ADAMTSL1: variants seen among roughly 807,000 people sequenced by gnomAD.
ADAMTSL1 encodes ADAMTS like 1.
In ADAMTSL1, 126 loss-of-function variants were observed where a neutral mutation model predicts 201.8. The observed-to-expected ratio is 0.62, with a 90% CI of 0.54 to 0.72. The LOEUF (loss-of-function observed/expected upper bound fraction) is 0.72, where lower values mean the gene tolerates loss of function less well. Among genes scored for constraint, ADAMTSL1 ranks in the 30% least tolerant of loss-of-function variants. The pLI is 0.00. For missense variants in ADAMTSL1, 2,679 were observed against 2,277.8 expected (o/e 1.18, Z -3.59); for synonymous variants, 1,121 against 903.4 (o/e 1.24, Z -4.32).
intron 2 of ADAMTSL1, among the ~76,000 whole-genome samples, chr9:18,190,903 C>T (rs1277668942): frequency 1.3e-5 from 2 of 152,094 alleles, no homozygotes; most frequent in Non-Finnish European, 1.5e-5. Flanking sequence ...TTTGCTCCAT[C>T]GTACCCCTAG....
At chr9:18,062,733 AT>A (rs201641529) in intron 1 of ADAMTSL1, among the ~76,000 whole-genome samples, 2,159 of 152,278 alleles carry the variant, frequency 0.014, 54 homozygotes, top group African/African-American at 0.05. Context: ...CAATCTGTAT[AT>A]TTTAATGATG....
intron 2 of ADAMTSL1, among the ~76,000 whole-genome samples, chr9:18,521,013 T>C (rs1437499861): frequency 6.6e-6 from 1 of 152,188 alleles, no homozygotes; most frequent in Non-Finnish European, 1.5e-5. Context: ...GCCTTTCCAC[T>C]GGTGGTTATA....
intron 2 of ADAMTSL1, among the ~76,000 whole-genome samples, chr9:18,387,288 C>T (rs1837836461): frequency 6.6e-6 from 1 of 151,948 alleles, no homozygotes; most frequent in South Asian, 2.1e-4. Context: ...AACTTGTGTG[C>T]CCATTGCCAA....
chr9:18,508,772 T>C (rs1587409596), intron 2 of ADAMTSL1, among the ~76,000 whole-genome samples: 1 of 152,302 alleles, frequency 6.6e-6, no homozygotes, highest in East Asian at 1.9e-4. Context: ...AAATATAATA[T>C]TAATAAAATA....
At chr9:18,635,257 T>C in intron 5 of ADAMTSL1, among the ~76,000 whole-genome samples, 1 of 152,172 alleles carries the variant, frequency 6.6e-6, no homozygotes, top group Admixed American at 6.6e-5. Flanking sequence ...CTCTAATTTT[T>C]AAAAATGTCT....
intron 2 of ADAMTSL1, among the ~76,000 whole-genome samples, chr9:18,403,297 C>A (rs892731451): frequency 3.3e-5 from 5 of 152,028 alleles, no homozygotes; most frequent in Admixed American, 6.6e-5. Flanking sequence ...GATTCTCTTG[C>A]CTCAGCCTCC....
intron 19 of ADAMTSL1, among the ~76,000 whole-genome samples, chr9:18,784,877 G>A (rs923456170): frequency 2.6e-5 from 4 of 152,102 alleles, no homozygotes; most frequent in East Asian, 1.9e-4. Context: ...AAAAGTAATC[G>A]AGCTGGGGTG....
At chr9:18,121,336 C>A (rs887381814) in intron 1 of ADAMTSL1, among the ~76,000 whole-genome samples, 32 of 152,102 alleles carry the variant, frequency 2.1e-4, no homozygotes, top group African/African-American at 7.7e-4. Flanking sequence ...ACAAAAAACT[C>A]AAACTAATTT....
chr9:18,533,026 A>G (rs1226294593), intron 2 of ADAMTSL1, among the ~76,000 whole-genome samples: 1 of 152,076 alleles, frequency 6.6e-6, no homozygotes, highest in Non-Finnish European at 1.5e-5. Context: ...TTTTGAAACA[A>G]GATAAATACT....
intron 1 of ADAMTSL1, among the ~76,000 whole-genome samples, chr9:18,089,837 G>C (rs10810897): frequency 0.53 from 80,799 of 151,984 alleles, 22,282 homozygotes; most frequent in African/African-American, 0.67. Context: ...TGCTGTATAA[G>C]ATCCTGCCTA....
At chr9:18,081,878 G>A (rs1587002680) in intron 1 of ADAMTSL1, among the ~76,000 whole-genome samples, 1 of 152,138 alleles carries the variant, frequency 6.6e-6, no homozygotes, top group Admixed American at 6.5e-5. Flanking sequence ...GAAAATACTA[G>A]CGTATGCTTG....
chr9:18,843,636 A>G (rs4628782), intron 23 of ADAMTSL1, among the ~76,000 whole-genome samples: 41,989 of 150,506 alleles, frequency 0.28, 6,594 homozygotes, highest in East Asian at 0.39. Context: ...GTGTTTTCCA[A>G]CTTGGTTCCA....
chr9:18,791,257 C>G (rs899119697), intron 19 of ADAMTSL1, among the ~76,000 whole-genome samples: 1 of 152,206 alleles, frequency 6.6e-6, no homozygotes, highest in Non-Finnish European at 1.5e-5. Flanking sequence ...ATGGGACCCC[C>G]CTCCAGAACT....
At chr9:18,370,688 C>G (rs1314289457) in intron 2 of ADAMTSL1, among the ~76,000 whole-genome samples, 2 of 144,742 alleles carry the variant, frequency 1.4e-5, no homozygotes, top group Admixed American at 6.8e-5. Context: ...GTTTGTAGAG[C>G]GTCTTTTTTT....
intron 4 of ADAMTSL1, among the ~76,000 whole-genome samples, chr9:18,577,082 T>C (rs771435907): frequency 6.6e-6 from 1 of 152,306 alleles, no homozygotes; most frequent in African/African-American, 2.4e-5. Flanking sequence ...AGACCTGTCT[T>C]CCAGAAATTC....
chr9:18,828,191 G>C (rs1199084672), intron 22 of ADAMTSL1, among the ~76,000 whole-genome samples: 1 of 152,170 alleles, frequency 6.6e-6, no homozygotes, highest in Non-Finnish European at 1.5e-5. Context: ...AAAGTTTTAG[G>C]AGAAATATAA....
intron 1 of ADAMTSL1, among the ~76,000 whole-genome samples, chr9:17,935,276 G>T (rs1826958685): frequency 6.6e-6 from 1 of 151,926 alleles, no homozygotes; most frequent in Non-Finnish European, 1.5e-5. Context: ...CTGCCTTATG[G>T]GTTGTCCCTT....
chr9:18,313,810 G>A (rs746454931), intron 2 of ADAMTSL1, among the ~76,000 whole-genome samples: 4 of 152,082 alleles, frequency 2.6e-5, no homozygotes, highest in Non-Finnish European at 5.9e-5. Flanking sequence ...CAAAAGTACA[G>A]GTAATGAAAG....
At chr9:17,976,215 G>A (rs1344980628) in intron 1 of ADAMTSL1, among the ~76,000 whole-genome samples, 7 of 139,890 alleles carry the variant, frequency 5.0e-5, no homozygotes, top group African/African-American at 1.8e-4. Context: ...GATCTTTTGT[G>A]ATTTCATAAA....
Sources: gnomAD v4.1 joint callset for allele counts (sites outside exome capture counted in the v4.1 genomes callset) on GRCh38, gnomAD v4.1.1 for gene constraint, MANE v1.5 for transcripts, NCBI Gene and HGNC (gene_info 2026-07-23, HGNC 2026-07-21) for gene names.